Variants in ANXA13 observed in about 807,000 individuals in gnomAD.
The protein encoded by ANXA13 is annexin XIII.
Under a neutral mutation model 46.6 loss-of-function variants are expected in ANXA13, and 36 were observed. That is an observed-to-expected ratio of 0.77 (90% CI 0.59 to 1.02). ANXA13 has a LOEUF of 1.02. ANXA13 is among the 50% of genes least tolerant of loss of function. ANXA13 has a pLI of 0.00. For synonymous variants in ANXA13, 163 were observed against 152.9 expected (o/e 1.07, Z -0.49); for missense variants, 417 against 396.5 (o/e 1.05, Z -0.44).
intron 4 of ANXA13, 90 bp from the exon 5 acceptor site, chr8:123,695,811 G>C: frequency 3.4e-6 from 4 of 1,160,100 alleles, no homozygotes; most frequent in Non-Finnish European, 3.8e-6. Context: ...GACCATGTCT[G>C]GACACAAAGT....
intron 9 of ANXA13, among the ~76,000 whole-genome samples, chr8:123,685,775 C>G: frequency 6.6e-6 from 1 of 152,184 alleles, no homozygotes; most frequent in South Asian, 2.1e-4. Flanking sequence ...AAAATCGCAC[C>G]GGAAAAGAAA....
chr8:123,711,751 AT>A (rs1310868839), intron 2 of ANXA13: 1 of 152,238 alleles, frequency 6.6e-6, no homozygotes, highest in Non-Finnish European at 1.5e-5. Context: ...AGTAGCTAGG[AT>A]TACCGGCACA....
At chr8:123,723,472 G>C (rs1813924974) in intron 1 of ANXA13, among the ~76,000 whole-genome samples, 1 of 152,172 alleles carries the variant, frequency 6.6e-6, no homozygotes, top group African/African-American at 2.4e-5. Flanking sequence ...TGCTAAAACT[G>C]GGACAGTTCC....
intron 1 of ANXA13, among the ~76,000 whole-genome samples, chr8:123,727,314 C>T (rs556381654): frequency 1.3e-5 from 2 of 152,256 alleles, no homozygotes; most frequent in South Asian, 4.1e-4. Context: ...GGTCAATCTT[C>T]AGGAGAAGCT....
At position 123,681,257 on chromosome 8, in the gene ANXA13, C is replaced by T; in HGVS notation, c.934G>A (p.Val312Ile). 2 of 1,613,926 alleles carry T rather than the reference C, an allele frequency of 1.2e-6. No homozygotes were observed. Among genetic ancestry groups the T allele is most frequent in the South Asian group, 2.2e-5 (2 of 91,018 alleles). ...GGCTTGGCTCAGTGCAAGAGGGCTA[C>T]TAGCAGTTTCCGGAAGTCCCCGGAG... ...DTSGDFRKLL[V>I]ALLH Residue 312 changes from valine (V) to isoleucine (I), a missense_variant, in exon 11 of 11, where the codon GTA becomes ATA. Transcript: ENST00000419625.
At chr8:123,684,858 A>G in intron 9 of ANXA13, 136 bp from the exon 10 acceptor site, 1 of 645,156 alleles carries the variant, frequency 1.6e-6, no homozygotes, top group Non-Finnish European at 2.8e-6. Context: ...AGCTGACTTG[A>G]CACCGTTGCG....
At chr8:123,684,833 C>A in intron 9 of ANXA13, 111 bp from the exon 10 acceptor site, 7 of 748,478 alleles carry the variant, frequency 9.4e-6, no homozygotes, top group Admixed American at 2.1e-5. Flanking sequence ...GATGGTGAGA[C>A]AGAGGTGTGA....
intron 1 of ANXA13, among the ~76,000 whole-genome samples, chr8:123,734,218 T>C (rs985093191): frequency 1.3e-5 from 2 of 152,226 alleles, no homozygotes; most frequent in African/African-American, 4.8e-5. Flanking sequence ...ACATATCCTA[T>C]AGCCACACTC....
chr8:123,716,928 G>A (rs1299758608), intron 1 of ANXA13, among the ~76,000 whole-genome samples: 1 of 152,184 alleles, frequency 6.6e-6, no homozygotes, highest in Non-Finnish European at 1.5e-5. Flanking sequence ...CCAGGATGGG[G>A]TCTGACAAGC....
intron 5 of ANXA13, 35 bp from the exon 6 acceptor site, chr8:123,695,616 G>A: frequency 6.2e-7 from 1 of 1,610,092 alleles, no homozygotes. Context: ...GAAGAAAGCA[G>A]ATGATTTAGT....
chr8:123,723,607 G>A (rs888463703), intron 1 of ANXA13, among the ~76,000 whole-genome samples: 75 of 152,208 alleles, frequency 4.9e-4, no homozygotes, highest in Admixed American at 3.1e-3. Context: ...ATCAGTCACA[G>A]TGAAAGTATT....
intron 3 of ANXA13, among the ~76,000 whole-genome samples, chr8:123,701,444 T>C (rs770505692): frequency 4.4e-4 from 67 of 152,122 alleles, no homozygotes; most frequent in Non-Finnish European, 8.5e-4. Flanking sequence ...CACTCCAGCC[T>C]GGGCAACAGA....
intron 1 of ANXA13, among the ~76,000 whole-genome samples, chr8:123,715,217 T>G (rs1253894895): frequency 6.6e-6 from 1 of 152,178 alleles, no homozygotes; most frequent in South Asian, 2.1e-4. Flanking sequence ...AATTTCAATA[T>G]GGTAACATCA....
chr8:123,736,963 C>G (rs1271301451), intron 1 of ANXA13, among the ~76,000 whole-genome samples: 4 of 151,158 alleles, frequency 2.6e-5, no homozygotes, highest in African/African-American at 9.8e-5. Flanking sequence ...ATTCTCCTGC[C>G]TCAGCCTCCT....
intron 2 of ANXA13, among the ~76,000 whole-genome samples, chr8:123,703,152 AC>A (rs1813476787): frequency 1.3e-5 from 2 of 152,268 alleles, no homozygotes; most frequent in Admixed American, 6.5e-5. Flanking sequence ...GGGTATCCAT[AC>A]AATGGAATGT....
intron 10 of ANXA13, among the ~76,000 whole-genome samples, chr8:123,682,163 T>C (rs1298971867): frequency 1.3e-5 from 2 of 152,160 alleles, no homozygotes; most frequent in Non-Finnish European, 2.9e-5. Flanking sequence ...ATACCATGAT[T>C]AGCAAGGATA....
At chr8:123,715,364 C>T (rs971085398) in intron 1 of ANXA13, among the ~76,000 whole-genome samples, 4 of 152,156 alleles carry the variant, frequency 2.6e-5, no homozygotes, top group African/African-American at 4.8e-5. Context: ...GTGGCAACTT[C>T]GAAATAGTAA....
chr8:123,701,344 C>A (rs1813443908), intron 3 of ANXA13, among the ~76,000 whole-genome samples: 2 of 152,088 alleles, frequency 1.3e-5, no homozygotes, highest in African/African-American at 2.4e-5. Flanking sequence ...GTGGCGCGTG[C>A]CTGTAATCCC....
chr8:123,680,825 T>C lies in ANXA13; in HGVS notation c.*415A>G, dbSNP rs979290400. 6.4e-6 allele frequency: 1 copy of C among 155,302 alleles called. No homozygotes were observed. The highest frequency in any genetic ancestry group is 2.4e-5 in the African/African-American group (1 of 41,542). 9.6% of individuals were successfully genotyped at this position (155,302 alleles called of 1,614,324 possible). ...CATAATCCACAACTTTAATTAACAA[T>C]GAGGCTTTCAAATTGAACACACAGA... is the stretch of plus-strand genomic sequence containing the variant. On this transcript the variant is annotated 3_prime_UTR_variant, in exon 11 of 11. Coordinates refer to ENST00000419625, the MANE Select transcript of ANXA13 (RefSeq NM_004306.4).
Sources: gnomAD v4.1 joint callset for allele counts (sites outside exome capture counted in the v4.1 genomes callset) on GRCh38, gnomAD v4.1.1 for gene constraint, MANE v1.5 for transcripts, NCBI Gene and HGNC (gene_info 2026-07-23, HGNC 2026-07-21) for gene names.